PINX1: variants seen among roughly 807,000 people sequenced by gnomAD.
PINX1 encodes PIN2 (TERF1) interacting telomerase inhibitor 1, also known as PIN2/TERF1-interacting telomerase inhibitor 1.
In PINX1, 34 loss-of-function variants were observed where a neutral mutation model predicts 25.4. The ratio of observed to expected loss-of-function variants is 1.34; its 90% CI spans 1.02 to 1.78. The LOEUF (loss-of-function observed/expected upper bound fraction) is 1.78. Among genes scored for constraint, PINX1 ranks in the 40% most tolerant of loss-of-function variants. The pLI is 0.00. For synonymous variants in PINX1, 197 were observed against 147.7 expected (o/e 1.33, Z -2.42); for missense variants, 592 against 404.9 (o/e 1.46, Z -3.97).
intron 6 of PINX1, among the ~76,000 whole-genome samples, chr8:10,807,135 C>A (rs924467745): frequency 6.6e-6 from 1 of 151,958 alleles, no homozygotes; most frequent in Non-Finnish European, 1.5e-5. Context: ...AAACAATCTG[C>A]GAATGTGTGA....
chr8:10,807,199 G>A (rs1802478574), intron 6 of PINX1, among the ~76,000 whole-genome samples: 1 of 151,760 alleles, frequency 6.6e-6, no homozygotes, highest in Non-Finnish European at 1.5e-5. Flanking sequence ...CGTGAGACAA[G>A]AACAGGACAT....
Position 10,827,420 on chromosome 8 carries a change from TG to T in PINX1, c.302-1177del, listed in dbSNP as rs559214899. On this transcript the variant is annotated intron_variant, in intron 4 of 6. Transcript: ENST00000314787. ...AAATGTGAGCCAGAAAGTAGGTCCTTGCCTGAAAGGTTGATCAGAGCAGGTT... is the reference window on the plus strand; with the variant it reads ...AAATGTGAGCCAGAAAGTAGGTCCTTCCTGAAAGGTTGATCAGAGCAGGTT... Among the ~76,000 whole-genome samples, 7 of 152,206 alleles carry T rather than the reference TG, an allele frequency of 4.6e-5. No homozygotes were observed. In the South Asian group the frequency reaches 1.5e-3, roughly 32 times the overall value.
rs115643400 is a variant in PINX1 at position 10,799,078 on chromosome 8, T to G, written c.471+21115A>C. On this transcript the variant is annotated intron_variant, in intron 6 of 6. Coordinates refer to ENST00000314787, the MANE Select transcript of PINX1 (RefSeq NM_017884.6). ...TTCTTGGGAAACTGATCATCTGTAT[T>G]ATAATATTTAAATTTTATTTCAATA... Among the ~76,000 whole-genome samples the G allele has an allele frequency of 2.0e-3, 310 of 152,284 alleles. 3 individuals are homozygous for G. The highest frequency in any genetic ancestry group is 7.1e-3 in the African/African-American group (296 of 41,554).
At chr8:10,815,410 ATTCT>A (rs1797667735) in intron 6 of PINX1, among the ~76,000 whole-genome samples, 1 of 152,260 alleles carries the variant, frequency 6.6e-6, no homozygotes, top group Admixed American at 6.5e-5. Context: ...AAGAGAGCAC[ATTCT>A]TTACTTGGCA....
chr8:10,831,777 C>CTTACCT, intron 3 of PINX1, 34 bp from the exon 4 acceptor site: 1 of 1,300,964 alleles, frequency 7.7e-7, no homozygotes, highest in Non-Finnish European at 1.1e-6. Flanking sequence ...GAGAGGTAAG[C>CTTACCT]CTGTAGTTTA....
chr8:10,809,849 T>C lies in PINX1; in HGVS notation c.471+10344A>G, dbSNP rs1802571826. Among the ~76,000 whole-genome samples the C allele has an allele frequency of 2.6e-5, 4 of 152,370 alleles. No homozygotes were observed. In the South Asian group the frequency reaches 6.2e-4, roughly 24 times the overall value. On this transcript the variant is annotated intron_variant, in intron 6 of 6. Transcript: ENST00000314787. ...TCGAAGTTGTGTTAGTCTGTTTTTG[T>C]ATTGCTATAAAGAAATACGTGAGGC...
chr8:10,800,694 T>A (rs900951585), intron 6 of PINX1, among the ~76,000 whole-genome samples: 2 of 152,176 alleles, frequency 1.3e-5, no homozygotes, highest in Admixed American at 1.3e-4. Context: ...GGTCTTGAAC[T>A]CCTGACCTCA....
chr8:10,777,285 C>G (rs1801424274), intron 6 of PINX1, among the ~76,000 whole-genome samples: 1 of 152,216 alleles, frequency 6.6e-6, no homozygotes, highest in Non-Finnish European at 1.5e-5. Context: ...AAACAACTCT[C>G]AAAAAGTCAG....
chr8:10,799,690 A>C (rs901921402), intron 6 of PINX1, among the ~76,000 whole-genome samples: 1 of 152,234 alleles, frequency 6.6e-6, no homozygotes, highest in Non-Finnish European at 1.5e-5. Context: ...TGCAGTAGAC[A>C]GAACCACAAT....
intron 6 of PINX1, among the ~76,000 whole-genome samples, chr8:10,801,602 G>A (rs1345554718): frequency 6.6e-6 from 1 of 152,132 alleles, no homozygotes; most frequent in Non-Finnish European, 1.5e-5. Flanking sequence ...AGACCTAGAT[G>A]GTCTTTTCCA....
chr8:10,831,258 G>T (rs993697978), intron 4 of PINX1, among the ~76,000 whole-genome samples: 11 of 152,202 alleles, frequency 7.2e-5, no homozygotes, highest in African/African-American at 2.2e-4. Flanking sequence ...GTAGACAGCA[G>T]AATAGTGGTT....
At chr8:10,828,688 TTCTA>T in intron 4 of PINX1, among the ~76,000 whole-genome samples, 1 of 152,158 alleles carries the variant, frequency 6.6e-6, no homozygotes, top group South Asian at 2.1e-4. Flanking sequence ...AGGAATCACT[TTCTA>T]TCTATTTGTT....
chr8:10,835,207 T>C (rs1798365892), intron 1 of PINX1, among the ~76,000 whole-genome samples: 1 of 152,188 alleles, frequency 6.6e-6, no homozygotes, highest in South Asian at 2.1e-4. Context: ...AGGATGCGCT[T>C]AAAATAGTAA....
At chr8:10,770,941 C>T (rs554669982) in intron 6 of PINX1, among the ~76,000 whole-genome samples, 3 of 152,178 alleles carry the variant, frequency 2.0e-5, no homozygotes, top group Non-Finnish European at 4.4e-5. Context: ...ACTTTGTTAA[C>T]AAAGTAGACT....
At chr8:10,838,474 C>T (rs191947583) in intron 1 of PINX1, among the ~76,000 whole-genome samples, 2 of 152,236 alleles carry the variant, frequency 1.3e-5, no homozygotes, top group Non-Finnish European at 1.5e-5. Context: ...CACCATCTCA[C>T]TGATTTAAGG....
rs563513269 is a variant in PINX1, at chr8:10,765,521, G to T, written c.867C>A (p.Phe289Leu). Reference protein sequence around the residue: ...DHVQPPEGRDFTLKPKKRRGK... With the variant: ...DHVQPPEGRDLTLKPKKRRGK... Reference sequence around the variant, plus strand: ...CTCTCCTCTTTTTGGGCTTCAGGGTGAAGTCCCGGCCCTCAGGCGGCTGCA... The same window carrying T: ...CTCTCCTCTTTTTGGGCTTCAGGGTTAAGTCCCGGCCCTCAGGCGGCTGCA... The change falls in exon 7 of 7, where the codon TTC (phenylalanine) becomes TTA (leucine). Residue 289 changes from phenylalanine to leucine, a missense_variant. Physicochemically the swap from Phe to Leu is conservative, Grantham distance 22 (BLOSUM62 0). Transcript: ENST00000314787. 19 of 1,613,730 alleles carry T rather than the reference G, an allele frequency of 1.2e-5. No individual in the cohort carries two copies. The highest frequency in any genetic ancestry group is 1.6e-4 in the Middle Eastern group (1 of 6,062).
At chr8:10,828,661 A>G (rs1798129722) in intron 4 of PINX1, among the ~76,000 whole-genome samples, 1 of 152,212 alleles carries the variant, frequency 6.6e-6, no homozygotes, top group Non-Finnish European at 1.5e-5. Flanking sequence ...AGGATGCGTG[A>G]GCACCGCCAG....
intron 6 of PINX1, among the ~76,000 whole-genome samples, chr8:10,806,560 T>C (rs1168971176): frequency 2.0e-5 from 3 of 152,202 alleles, no homozygotes; most frequent in Non-Finnish European, 2.9e-5. Flanking sequence ...CACTTTTGAA[T>C]TGAAAGGGTT....
At chr8:10,778,882 A>C (rs900100752) in intron 6 of PINX1, among the ~76,000 whole-genome samples, 11 of 152,330 alleles carry the variant, frequency 7.2e-5, no homozygotes, top group African/African-American at 2.6e-4. Flanking sequence ...TTACCCATGT[A>C]AGTTTTTGCA....
Sources: allele counts gnomAD v4.1 joint callset (sites outside exome capture counted in the v4.1 genomes callset), GRCh38; gene constraint gnomAD v4.1.1; transcripts MANE v1.5; gene names NCBI Gene and HGNC (gene_info 2026-07-23, HGNC 2026-07-21).